ERC2: variants seen among roughly 807,000 people sequenced by gnomAD.
ERC2 encodes the protein ERC protein 2.
In ERC2, 42 loss-of-function variants were observed where a neutral mutation model predicts 114.8. That is an observed-to-expected ratio of 0.37 (90% CI 0.29 to 0.47). ERC2 has a LOEUF of 0.47. Among genes scored for constraint, ERC2 ranks in the 20% least tolerant of loss-of-function variants. The pLI, the probability that ERC2 is intolerant of heterozygous loss-of-function variation, is 0.99. For missense variants in ERC2, 939 were observed against 1,150.7 expected, an observed-to-expected ratio of 0.82 and a Z score of 2.66; for synonymous variants, 454 against 425.5, an observed-to-expected ratio of 1.07 and a Z score of -0.82.
intron 15 of ERC2, among the ~76,000 whole-genome samples, chr3:55,701,100 C>T (rs2063202053): frequency 6.6e-6 from 1 of 152,168 alleles, no homozygotes; most frequent in African/African-American, 2.4e-5. Context: ...GAGCCTCCAA[C>T]CAGTTGGAGT....
chr3:56,061,198 C>T (rs1204123724), intron 7 of ERC2, among the ~76,000 whole-genome samples: 1 of 152,226 alleles, frequency 6.6e-6, no homozygotes, highest in Non-Finnish European at 1.5e-5. Context: ...GCAGATTCTA[C>T]ATGCAAGTTT....
chr3:56,352,112 T>A (rs948858894), intron 2 of ERC2, among the ~76,000 whole-genome samples: 2 of 152,176 alleles, frequency 1.3e-5, no homozygotes, highest in African/African-American at 4.8e-5. Context: ...GGAAAGCCAT[T>A]CAAGATTCAT....
In ERC2 at chr3:55,574,164, A is replaced by T. The variant is rs370453953; in HGVS notation, c.*40-62888T>A. 1.8e-4 allele frequency among the ~76,000 whole-genome samples: 27 copies of T among 152,300 alleles called. 1 individual carries two copies. In the South Asian group the frequency reaches 5.4e-3, roughly 30 times the overall value. On this transcript the variant is annotated intron_variant, in intron 17 of 17. Coordinates refer to ENST00000288221, the MANE Select transcript of ERC2 (RefSeq NM_015576.3). ...AGGTCTGGTTATTCTCATGTGACCA[A>T]TGATGACACTGTGGTCCGTACAGGT...
intron 1 of ERC2, among the ~76,000 whole-genome samples, chr3:56,438,450 C>T (rs571534766): frequency 6.6e-6 from 1 of 152,336 alleles, no homozygotes; most frequent in Non-Finnish European, 1.5e-5. Flanking sequence ...CTGATTAAAA[C>T]CTTCTTCTCT....
chr3:56,336,866 T>G (rs1234582430), intron 2 of ERC2, among the ~76,000 whole-genome samples: 4 of 152,284 alleles, frequency 2.6e-5, no homozygotes, highest in Admixed American at 2.6e-4. Context: ...TCTAAGACAT[T>G]ATTTCTCTAC....
intron 17 of ERC2, chr3:55,610,506 A>AACACACACACACACACACACAC (rs1162337654): frequency 1.2e-4 from 16 of 137,238 alleles, no homozygotes; most frequent in Non-Finnish European, 7.7e-5. Flanking sequence ...TCTACGGAAA[A>AACACACACACACACACACACAC]ACACACACAC....
intron 17 of ERC2, among the ~76,000 whole-genome samples, chr3:55,613,982 C>CAAAAA (rs60242810): frequency 1.9e-4 from 12 of 62,276 alleles, no homozygotes; most frequent in African/African-American, 4.1e-4. Context: ...GACTTCCTCT[C>CAAAAA]AAAAAAAAAA....
intron 2 of ERC2, among the ~76,000 whole-genome samples, chr3:56,430,870 A>AGT (rs1375405317): frequency 6.6e-6 from 1 of 152,156 alleles, no homozygotes; most frequent in Non-Finnish European, 1.5e-5. Context: ...GCATGTATGA[A>AGT]GTAGGATCTT....
At chr3:55,848,784 T>C (rs946840275) in intron 14 of ERC2, among the ~76,000 whole-genome samples, 5 of 152,204 alleles carry the variant, frequency 3.3e-5, no homozygotes, top group South Asian at 4.1e-4. Context: ...TCTCCTCTAA[T>C]AGCCCTTGCT....
intron 2 of ERC2, among the ~76,000 whole-genome samples, chr3:56,346,140 T>C (rs2058298429): frequency 6.6e-6 from 1 of 152,196 alleles, no homozygotes; most frequent in Admixed American, 6.5e-5. Context: ...GGAATCTCTA[T>C]GGAAAGGAAT....
At chr3:56,254,014 T>C (rs1041495985) in intron 3 of ERC2, among the ~76,000 whole-genome samples, 1 of 152,246 alleles carries the variant, frequency 6.6e-6, no homozygotes, top group African/African-American at 2.4e-5. Context: ...GGTGTTTCAA[T>C]GGGATTAACA....
At chr3:55,666,968 A>T (rs1170396816) in intron 17 of ERC2, among the ~76,000 whole-genome samples, 1 of 152,218 alleles carries the variant, frequency 6.6e-6, no homozygotes, top group Non-Finnish European at 1.5e-5. Flanking sequence ...GAATAATAGC[A>T]CATACCAATA....
At chr3:56,151,817 G>A (rs1019826569) in intron 4 of ERC2, among the ~76,000 whole-genome samples, 4 of 152,188 alleles carry the variant, frequency 2.6e-5, no homozygotes, top group East Asian at 3.9e-4. Context: ...GAAACTCGAC[G>A]CGCTAATCTG....
At chr3:55,836,955 G>A (rs1215837181) in intron 14 of ERC2, among the ~76,000 whole-genome samples, 2 of 152,190 alleles carry the variant, frequency 1.3e-5, no homozygotes, top group Non-Finnish European at 1.5e-5. Flanking sequence ...GATATGAACA[G>A]ACATTTCTCA....
chr3:56,040,006 A>T (rs911494076), intron 7 of ERC2, among the ~76,000 whole-genome samples: 2 of 152,218 alleles, frequency 1.3e-5, no homozygotes, highest in Non-Finnish European at 2.9e-5. Context: ...AATAGATTAA[A>T]GACTTAAATA....
At chr3:55,949,997 T>G (rs567471726) in intron 13 of ERC2, among the ~76,000 whole-genome samples, 48 of 152,364 alleles carry the variant, frequency 3.2e-4, no homozygotes, top group African/African-American at 1.0e-3. Context: ...AAAACAAAAC[T>G]GGTTTTGTAA....
intron 2 of ERC2, among the ~76,000 whole-genome samples, chr3:56,420,896 CAAAA>C (rs747377493): frequency 1.8e-5 from 2 of 109,252 alleles, no homozygotes; most frequent in Non-Finnish European, 3.9e-5. Context: ...GACTCCGTCT[CAAAA>C]AAAAAAAAAG....
At chr3:56,003,176 A>G (rs2072210833) in intron 10 of ERC2, 1 of 1,273,758 alleles carries the variant, frequency 7.9e-7, no homozygotes, top group Admixed American at 2.3e-5. Context: ...ACAGACAGGG[A>G]AAGAAGGAAA....
At chr3:55,673,768 G>A (rs943719989) in intron 17 of ERC2, among the ~76,000 whole-genome samples, 13 of 150,284 alleles carry the variant, frequency 8.7e-5, no homozygotes, top group Admixed American at 2.0e-4. Flanking sequence ...ATCCAGTGCC[G>A]TGGGCCAATG....
Sources: gnomAD v4.1 joint callset for allele counts (sites outside exome capture counted in the v4.1 genomes callset) on GRCh38, gnomAD v4.1.1 for gene constraint, MANE v1.5 for transcripts, NCBI Gene and HGNC (gene_info 2026-07-23, HGNC 2026-07-21) for gene names.